DOCK8: variants seen among roughly 807,000 people sequenced by gnomAD.
DOCK8 encodes the protein dedicator of cytokinesis protein 8.
DOCK8 carries 141 observed loss-of-function variants against 245.6 expected under a neutral mutation model. That is an observed-to-expected ratio of 0.57 (90% CI 0.50 to 0.66). The LOEUF (loss-of-function observed/expected upper bound fraction) is 0.66, where lower values mean the gene tolerates loss of function less well. Ranked by LOEUF, DOCK8 falls within the 30% of genes least tolerant of loss-of-function variation. The probability of loss-of-function intolerance (pLI) is 0.00; values close to 1 mark genes in which losing one functional copy is unlikely to be tolerated. For synonymous variants in DOCK8, 1,168 were observed against 970.2 expected, an observed-to-expected ratio of 1.20 and a Z score of -3.79; for missense variants, 2,965 against 2,603.4, an observed-to-expected ratio of 1.14 and a Z score of -3.02.
upstream of DOCK8, chr9:214,835 G>C: frequency 6.2e-7 from 1 of 1,600,604 alleles, no homozygotes; most frequent in South Asian, 1.1e-5. Flanking sequence ...GGCTTAGAAG[G>C]TGGAAATGCG....
intron 22 of DOCK8, among the ~76,000 whole-genome samples, chr9:384,772 C>T (rs1434993140): frequency 1.3e-5 from 2 of 152,012 alleles, no homozygotes; most frequent in African/African-American, 2.4e-5. Context: ...AAAAATTAGC[C>T]GGGCGTGGTG....
At chr9:279,381 A>G (rs755323155) in intron 2 of DOCK8, among the ~76,000 whole-genome samples, 2 of 152,232 alleles carry the variant, frequency 1.3e-5, no homozygotes, top group African/African-American at 2.4e-5. Flanking sequence ...TTAAAAATGT[A>G]TATTTAAAGC....
At chr9:415,159 G>A (rs1390662220) in intron 29 of DOCK8, among the ~76,000 whole-genome samples, 2 of 152,076 alleles carry the variant, frequency 1.3e-5, no homozygotes, top group African/African-American at 2.4e-5. Flanking sequence ...TTTTTGTTTA[G>A]AAATTATTTA....
At chr9:336,451 C>A (rs1024408832) in intron 11 of DOCK8, 131 bp from the exon 12 acceptor site, 4 of 1,264,280 alleles carry the variant, frequency 3.2e-6, no homozygotes, top group African/African-American at 2.9e-5. Flanking sequence ...AGGACATTTT[C>A]ATTCAAAACA....
chr9:374,732 C>T (rs865967879), intron 18 of DOCK8, among the ~76,000 whole-genome samples: 1 of 151,578 alleles, frequency 6.6e-6, no homozygotes, highest in East Asian at 1.9e-4. Context: ...TCCCAAAGTC[C>T]TGGGATTATA....
chr9:451,141 C>T (rs923881412), intron 45 of DOCK8, among the ~76,000 whole-genome samples: 3 of 151,898 alleles, frequency 2.0e-5, no homozygotes, highest in African/African-American at 7.2e-5. Context: ...GGTGAAACCC[C>T]ATCTCTGCTA....
At chr9:247,700 A>AT (rs1179478283) in intron 1 of DOCK8, among the ~76,000 whole-genome samples, 6 of 151,828 alleles carry the variant, frequency 4.0e-5, no homozygotes, top group Non-Finnish European at 8.8e-5. Flanking sequence ...CGCCCGGCTA[A>AT]TTTTTTGTAT....
At chr9:280,226 T>C (rs77271110) in intron 2 of DOCK8, among the ~76,000 whole-genome samples, 3,698 of 152,262 alleles carry the variant, frequency 0.024, 78 homozygotes, top group South Asian at 0.059. Context: ...GTTTCTAGTC[T>C]ACTGACCAGA....
intron 3 of DOCK8, among the ~76,000 whole-genome samples, chr9:288,710 G>C (rs907992387): frequency 1.3e-5 from 2 of 152,206 alleles, no homozygotes; most frequent in African/African-American, 2.4e-5. Flanking sequence ...GAAGGGTTGA[G>C]TGACTGGCTT....
intron 14 of DOCK8, among the ~76,000 whole-genome samples, chr9:344,134 A>G (rs544243557): frequency 2.6e-5 from 4 of 152,218 alleles, no homozygotes; most frequent in African/African-American, 9.6e-5. Context: ...CCCGTTAGAA[A>G]TGCCAAGGCC....
chr9:276,113 A>G (rs1389678992), intron 2 of DOCK8, among the ~76,000 whole-genome samples: 1 of 151,508 alleles, frequency 6.6e-6, no homozygotes, highest in African/African-American at 2.4e-5. Context: ...CTGGTCTTGA[A>G]CTTCTGACCT....
intron 2 of DOCK8, chr9:273,029 C>CT: frequency 1.0e-6 from 1 of 985,262 alleles, no homozygotes; most frequent in Non-Finnish European, 1.2e-6. Flanking sequence ...TAACCTTCCG[C>CT]TCAGTTTCCG....
chr9:432,360 T>A (rs1291727641), intron 37 of DOCK8, 36 bp downstream of exon 37: 3 of 1,607,672 alleles, frequency 1.9e-6, no homozygotes, highest in Non-Finnish European at 2.6e-6. Flanking sequence ...CATGCATGAG[T>A]TTGGGATCTG....
intron 33 of DOCK8, among the ~76,000 whole-genome samples, chr9:423,103 T>G (rs964450566): frequency 2.9e-4 from 44 of 152,206 alleles, no homozygotes; most frequent in African/African-American, 9.9e-4. Flanking sequence ...GTGCTGGGAA[T>G]ATCGGTAATT....
Position 464,327 on chromosome 9 carries a change from C to T in DOCK8, c.*108C>T. On this transcript the variant is annotated 3_prime_UTR_variant, in exon 48 of 48. Coordinates refer to ENST00000432829, the MANE Select transcript of DOCK8 (RefSeq NM_203447.4). ...CCACCCAGGACTGACTGTACACTCC[C>T]TGATCAGCCAGCACTCTGGAAGCTT... is the stretch of plus-strand genomic sequence containing the variant. 1 of 932,522 alleles carries T rather than the reference C, an allele frequency of 1.1e-6. No homozygotes were observed. The highest frequency in any genetic ancestry group is 1.8e-6 in the Non-Finnish European group (1 of 561,366). The allele number at this position is 932,522 out of a possible 1,614,324, so 57.8% of individuals were successfully genotyped here.
chr9:394,968 C>T (rs559951292), intron 24 of DOCK8, among the ~76,000 whole-genome samples: 79 of 152,204 alleles, frequency 5.2e-4, no homozygotes, highest in Non-Finnish European at 1.0e-3. Context: ...GAGCCAAATA[C>T]AGCAGTGAGT....
chr9:446,941 A>T (rs1387847128), intron 44 of DOCK8, among the ~76,000 whole-genome samples: 1 of 151,888 alleles, frequency 6.6e-6, no homozygotes, highest in Non-Finnish European at 1.5e-5. Context: ...TTTATATAAA[A>T]TTTTTCTATA....
chr9:263,980 G>A (rs763979104), intron 1 of DOCK8, among the ~76,000 whole-genome samples: 4 of 152,100 alleles, frequency 2.6e-5, no homozygotes, highest in Non-Finnish European at 5.9e-5. Context: ...GCTGCGTCTG[G>A]TATTTTTGCC....
chr9:329,768 G>A (rs1030138303), intron 9 of DOCK8, among the ~76,000 whole-genome samples: 1 of 152,104 alleles, frequency 6.6e-6, no homozygotes, highest in African/African-American at 2.4e-5. Flanking sequence ...TGATTAATCC[G>A]TCATATTCTG....
Sources: gnomAD v4.1 joint callset for allele counts (sites outside exome capture counted in the v4.1 genomes callset) on GRCh38, gnomAD v4.1.1 for gene constraint, MANE v1.5 for transcripts, NCBI Gene and HGNC (gene_info 2026-07-23, HGNC 2026-07-21) for gene names.